BEND7: variants seen among roughly 807,000 people sequenced by gnomAD.
BEND7 encodes the protein BEN domain-containing protein 7.
Under a neutral mutation model 50.9 loss-of-function variants are expected in BEND7, and 28 were observed. The observed-to-expected ratio is 0.55, with a 90% CI of 0.41 to 0.75. The LOEUF (loss-of-function observed/expected upper bound fraction) is 0.75. Among genes scored for constraint, BEND7 ranks in the 30% least tolerant of loss-of-function variants. The pLI is 0.00. For missense variants in BEND7, 477 were observed against 491.3 expected (o/e 0.97, Z 0.28); for synonymous variants, 170 against 183.9 (o/e 0.92, Z 0.61).
chr10:13,439,643 G>T, downstream of BEND7: 1 of 758,832 alleles, frequency 1.3e-6, no homozygotes, highest in Non-Finnish European at 2.0e-6. Flanking sequence ...TGTCAGCTTT[G>T]ACACATTCTC....
rs752011041 is a variant in BEND7, at chr10:13,481,163, T to A, written c.838-39A>T. 5 of 1,599,876 alleles carry A rather than the reference T, an allele frequency of 3.1e-6. No individual in the cohort carries two copies. The African/African-American group carries it at 6.7e-5, about 21-fold the overall frequency. ...ACAGATATTTCATTAAAAGCAAGAT[T>A]TGAAGCATCTGACTTTGGGTACATG... On this transcript the variant is annotated intron_variant, in intron 5 of 8. Coordinates refer to ENST00000466271, the MANE Select transcript of BEND7 (RefSeq NM_001369863.1).
chr10:13,468,101 C>T (rs1250873536), intron 6 of BEND7, among the ~76,000 whole-genome samples: 1 of 152,072 alleles, frequency 6.6e-6, no homozygotes, highest in Non-Finnish European at 1.5e-5. Flanking sequence ...CCATACTGAC[C>T]CTCAGGAGTG....
At chr10:13,521,552 T>C (rs979403697) in intron 2 of BEND7, among the ~76,000 whole-genome samples, 1 of 152,118 alleles carries the variant, frequency 6.6e-6, no homozygotes, top group African/African-American at 2.4e-5. Flanking sequence ...AAGGACACAG[T>C]GGGGCCAGGG....
chr10:13,457,803 G>A (rs1394338643), intron 6 of BEND7, among the ~76,000 whole-genome samples: 1 of 152,252 alleles, frequency 6.6e-6, no homozygotes, highest in Admixed American at 6.5e-5. Flanking sequence ...TCCATTAGGA[G>A]TAATGATGTG....
intron 1 of BEND7, among the ~76,000 whole-genome samples, chr10:13,528,214 C>CT (rs1049257846): frequency 6.6e-6 from 1 of 151,886 alleles, no homozygotes; most frequent in Non-Finnish European, 1.5e-5. Flanking sequence ...GGGCTCGGGC[C>CT]CCCCGGTGTC....
chr10:13,500,560 T>C (rs1025031688), intron 2 of BEND7: 6 of 989,818 alleles, frequency 6.1e-6, no homozygotes, highest in Non-Finnish European at 6.0e-6. Flanking sequence ...AAGCCTGGAC[T>C]GGCAGGGACG....
Position 13,496,928 on chromosome 10 carries a change from C to CAAAAAAAAAAAAAA in BEND7, c.449-54_449-41dup. 7.9e-6 allele frequency: 9 copies of CAAAAAAAAAAAAAA among 1,133,402 alleles called. No homozygotes were observed. The South Asian group carries it at 1.1e-4, about 14-fold the overall frequency. 70.2% of individuals were successfully genotyped at this position (1,133,402 alleles called of 1,614,324 possible). A position where few individuals can be genotyped will look rare whatever the true frequency, so the allele number is the denominator to read the frequency against. ...AAAGAATGACATACTCCAAACAAAC[C>CAAAAAAAAAAAAAA]AAAAAAAAAAAAAAAAATCATAAAG... On this transcript the variant is annotated intron_variant, in intron 3 of 8. Transcript: ENST00000466271.
At chr10:13,527,398 A>G (rs894895763) in intron 1 of BEND7, among the ~76,000 whole-genome samples, 2 of 152,246 alleles carry the variant, frequency 1.3e-5, no homozygotes, top group Non-Finnish European at 2.9e-5. Context: ...TCCACATCTT[A>G]GCTAGCTTAG....
At chr10:13,522,336 A>G (rs927829122) in intron 2 of BEND7, among the ~76,000 whole-genome samples, 1 of 152,156 alleles carries the variant, frequency 6.6e-6, no homozygotes, top group South Asian at 2.1e-4. Flanking sequence ...CTCCTCCATG[A>G]GCCTTGGCTT....
At chr10:13,476,315 C>G (rs2075431500) in intron 6 of BEND7, among the ~76,000 whole-genome samples, 1 of 152,112 alleles carries the variant, frequency 6.6e-6, no homozygotes, top group Non-Finnish European at 1.5e-5. Flanking sequence ...GGAGTGTTCC[C>G]TCCCAGAGAA....
At chr10:13,477,645 A>G (rs148170756) in intron 6 of BEND7, among the ~76,000 whole-genome samples, 1 of 152,372 alleles carries the variant, frequency 6.6e-6, no homozygotes, top group East Asian at 1.9e-4. Flanking sequence ...CTATATTCAA[A>G]TTTATATTCA....
intron 2 of BEND7, among the ~76,000 whole-genome samples, chr10:13,508,014 C>T (rs183011822): frequency 3.6e-4 from 55 of 152,292 alleles, no homozygotes; most frequent in Admixed American, 3.3e-3. Context: ...GACTGATGGG[C>T]GGCCTGTCAA....
chr10:13,468,863 G>C (rs952371891), intron 6 of BEND7, among the ~76,000 whole-genome samples: 4 of 152,242 alleles, frequency 2.6e-5, no homozygotes, highest in African/African-American at 9.6e-5. Context: ...TAGTTGCAAG[G>C]GGGTATCAGG....
chr10:13,514,660 G>A (rs2078532646), intron 2 of BEND7, among the ~76,000 whole-genome samples: 3 of 152,192 alleles, frequency 2.0e-5, no homozygotes, highest in Admixed American at 1.3e-4. Flanking sequence ...GGAGAGTTAA[G>A]AAGAGGAACA....
intron 6 of BEND7, 80 bp downstream of exon 6, chr10:13,480,819 A>T: frequency 6.3e-7 from 1 of 1,583,870 alleles, no homozygotes; most frequent in East Asian, 2.2e-5. Flanking sequence ...TAGTCAGTTT[A>T]CTACAATTTC....
intron 6 of BEND7, among the ~76,000 whole-genome samples, chr10:13,468,243 AG>A: frequency 6.6e-6 from 1 of 152,328 alleles, no homozygotes; most frequent in African/African-American, 2.4e-5. Context: ...AGGGGCAATC[AG>A]TACAGGTTAG....
chr10:13,482,771 G>T (rs1444538287), intron 5 of BEND7, among the ~76,000 whole-genome samples: 1 of 152,162 alleles, frequency 6.6e-6, no homozygotes. Context: ...TCTGCATCTT[G>T]CTGCTTGCTG....
At chr10:13,439,903 T>C (rs190231071), downstream of BEND7, among the ~76,000 whole-genome samples, 1 of 152,360 alleles carries the variant, frequency 6.6e-6, no homozygotes, top group Admixed American at 6.5e-5. Flanking sequence ...TGCCAGGACT[T>C]GGCCCCGCCT....
At chr10:13,470,117 T>C (rs1423440274) in intron 6 of BEND7, among the ~76,000 whole-genome samples, 5 of 152,242 alleles carry the variant, frequency 3.3e-5, no homozygotes, top group Non-Finnish European at 5.9e-5. Flanking sequence ...CTTAGGATGC[T>C]GGTGAGCATC....
Sources: allele counts gnomAD v4.1 joint callset (sites outside exome capture counted in the v4.1 genomes callset), GRCh38; gene constraint gnomAD v4.1.1; transcripts MANE v1.5; gene names NCBI Gene and HGNC (gene_info 2026-07-23, HGNC 2026-07-21).